The following INSYN2B variants were observed in gnomAD, a reference collection of about 807,000 sequenced individuals.
INSYN2B encodes protein INSYN2B.
A neutral mutation model predicts 41.2 loss-of-function variants in INSYN2B; 16 were observed. That is an observed-to-expected ratio of 0.39 (90% CI 0.26 to 0.59). The LOEUF is 0.59. Among genes scored for constraint, INSYN2B ranks in the 20% least tolerant of loss-of-function variants. The pLI is 0.57. For missense variants in INSYN2B, 608 were observed against 646.4 expected (o/e 0.94, Z 0.64); for synonymous variants, 245 against 244.4 (o/e 1.00, Z -0.02).
intron 1 of INSYN2B, among the ~76,000 whole-genome samples, chr5:169,933,487 CATAA>C (rs1775854466): frequency 6.6e-6 from 1 of 152,340 alleles, no homozygotes; most frequent in African/African-American, 2.4e-5. Flanking sequence ...CAAGAGTCTG[CATAA>C]ATAAATTCAG....
Position 169,883,280 on chromosome 5 carries a change from C to A in INSYN2B, c.619G>T (p.Asp207Tyr), listed in dbSNP as rs200832892. The A allele has an allele frequency of 4.9e-4, 765 of 1,551,602 alleles. 6 individuals are homozygous for A. The African/African-American group carries it at 8.6e-3, about 17-fold the overall frequency. Residue 207 changes from aspartate (D) to tyrosine (Y), a missense_variant, in exon 2 of 4, where the codon GAT becomes TAT. By Grantham distance (160) the Asp-to-Tyr change is radical. Transcript: ENST00000377365. ...TCCCAGGAAGGACTGTGATAAATAT[C>A]ATCTGGAACCTGAATGGCAGCTGTG... ...KATAAIQVPD[D>Y]IYHSPSWEAR...
At chr5:169,876,705 A>G (rs1288619325) in intron 3 of INSYN2B, among the ~76,000 whole-genome samples, 1 of 152,246 alleles carries the variant, frequency 6.6e-6, no homozygotes, top group Non-Finnish European at 1.5e-5. Flanking sequence ...ATTGAGAACC[A>G]GTTACATAGA....
intron 1 of INSYN2B, among the ~76,000 whole-genome samples, chr5:169,910,426 T>C (rs1365348483): frequency 1.3e-5 from 2 of 152,220 alleles, no homozygotes; most frequent in Non-Finnish European, 2.9e-5. Flanking sequence ...ATTTATTGCT[T>C]ACTCTCTTAA....
In INSYN2B at chr5:169,883,000, G is replaced by T; in HGVS notation, c.899C>A (p.Thr300Lys). The T allele has an allele frequency of 1.9e-6, 3 of 1,551,644 alleles. No homozygotes were observed. The highest frequency in any genetic ancestry group is 2.6e-6 in the Non-Finnish European group (3 of 1,146,904). Residue 300 changes from threonine (T) to lysine (K), a missense_variant, in exon 2 of 4, where the codon ACG (threonine) becomes AAG (lysine). Coordinates refer to ENST00000377365, the MANE Select transcript of INSYN2B (RefSeq NM_001129891.3). ...AGTCCGTGGAGATGAAGGAACACACGTTTCCTTTGACTGAGATGACAGTGA... is the reference window on the plus strand; with the variant it reads ...AGTCCGTGGAGATGAAGGAACACACTTTTCCTTTGACTGAGATGACAGTGA... ...LGSLSSQSKE[T>K]CVPSSPRTHS...
At chr5:169,951,172 G>A (rs2113725360) in intron 1 of INSYN2B, among the ~76,000 whole-genome samples, 1 of 152,286 alleles carries the variant, frequency 6.6e-6, no homozygotes, top group South Asian at 2.1e-4. Flanking sequence ...TAGAGTCAGG[G>A]CAAGAGAAAA....
At chr5:169,912,193 T>C (rs1176077664) in intron 1 of INSYN2B, among the ~76,000 whole-genome samples, 1 of 152,190 alleles carries the variant, frequency 6.6e-6, no homozygotes, top group Non-Finnish European at 1.5e-5. Flanking sequence ...GTTTTGTCTT[T>C]CAGTTATAGG....
rs1010816474 is a variant in INSYN2B at position 169,884,413 on chromosome 5, A to G, written c.-515T>C. On this transcript the variant is annotated 5_prime_UTR_variant, in exon 2 of 4. An upstream start codon of the reference 5' UTR is lost. Transcript: ENST00000377365. ...GTGAAACTGCAGGAAACTTAAATGC[A>G]TCTTCTTTCCATAGCAGGTAAACAG... The G allele has an allele frequency of 6.6e-6, 1 of 152,498 alleles. No individual in the cohort carries two copies. The highest frequency in any genetic ancestry group is 2.4e-5 in the African/African-American group (1 of 41,474). The allele number at this position is 152,498 out of a possible 1,614,324, so 9.4% of individuals were successfully genotyped here. A position where few individuals can be genotyped will look rare whatever the true frequency, so the allele number is the denominator to read the frequency against.
At chr5:169,867,528 A>G (rs1353607253) in intron 3 of INSYN2B, among the ~76,000 whole-genome samples, 1 of 151,676 alleles carries the variant, frequency 6.6e-6, no homozygotes, top group Non-Finnish European at 1.5e-5. Flanking sequence ...TCTATCATCT[A>G]TCATCTATCA....
At chr5:169,946,360 T>C (rs1687687403) in intron 1 of INSYN2B, among the ~76,000 whole-genome samples, 1 of 152,130 alleles carries the variant, frequency 6.6e-6, no homozygotes, top group Admixed American at 6.5e-5. Flanking sequence ...GGGGGACGAG[T>C]CACAGGAAGT....
chr5:169,919,473 A>G (rs1775056466), intron 1 of INSYN2B, among the ~76,000 whole-genome samples: 1 of 152,228 alleles, frequency 6.6e-6, no homozygotes, highest in Admixed American at 6.5e-5. Flanking sequence ...AATTGACCCC[A>G]GGCTGGCAGC....
chr5:169,871,241 T>G, intron 3 of INSYN2B, among the ~76,000 whole-genome samples: 1 of 152,210 alleles, frequency 6.6e-6, no homozygotes, highest in East Asian at 1.9e-4. Context: ...ACCTAGTCCT[T>G]TGATTTTTCT....
At chr5:169,897,583 T>A (rs1773687036) in intron 1 of INSYN2B, among the ~76,000 whole-genome samples, 1 of 152,206 alleles carries the variant, frequency 6.6e-6, no homozygotes. Context: ...GAAGTAGGGT[T>A]GCCCTGTAAT....
rs1771332432 is a variant in INSYN2B, at chr5:169,863,465, AAAAAC to A, written c.*803_*807del. On this transcript the variant is annotated 3_prime_UTR_variant, in exon 4 of 4. Transcript: ENST00000377365. ...ACTATGGAGTCTTAAAGTTCACACC[AAAAAC>A]AGATTCCACCCATTTGCCAGGTGGT... Among the ~76,000 whole-genome samples, 1 of 152,254 alleles carries A rather than the reference AAAAAC, an allele frequency of 6.6e-6. No individual in the cohort carries two copies. Among genetic ancestry groups the A allele is most frequent in the Non-Finnish European group, 1.5e-5 (1 of 68,052 alleles).
chr5:169,938,729 T>C (rs1776100076), intron 1 of INSYN2B, among the ~76,000 whole-genome samples: 1 of 152,188 alleles, frequency 6.6e-6, no homozygotes, highest in Non-Finnish European at 1.5e-5. Context: ...AAAATATTTT[T>C]TCTTCATCAG....
chr5:169,911,209 G>A (rs762212826), intron 1 of INSYN2B, among the ~76,000 whole-genome samples: 5 of 152,146 alleles, frequency 3.3e-5, no homozygotes, highest in Non-Finnish European at 7.3e-5. Context: ...GGTATGTGCT[G>A]TGCTTTGAAA....
At chr5:169,918,179 C>A (rs1444210631) in intron 1 of INSYN2B, among the ~76,000 whole-genome samples, 2 of 152,178 alleles carry the variant, frequency 1.3e-5, no homozygotes, top group Non-Finnish European at 2.9e-5. Context: ...TTTAAAAATA[C>A]AGAAACCACA....
At chr5:169,936,877 C>A (rs1776024670) in intron 1 of INSYN2B, among the ~76,000 whole-genome samples, 1 of 152,150 alleles carries the variant, frequency 6.6e-6, no homozygotes, top group African/African-American at 2.4e-5. Context: ...TAACGACACC[C>A]TTCACTTAAT....
intron 3 of INSYN2B, among the ~76,000 whole-genome samples, chr5:169,866,375 G>C (rs11134594): frequency 0.34 from 51,169 of 152,154 alleles, 9,866 homozygotes; most frequent in Admixed American, 0.43. Flanking sequence ...TGAGATCTTG[G>C]GGAAGTCATT....
chr5:169,941,994 A>G (rs1407363846), intron 1 of INSYN2B, among the ~76,000 whole-genome samples: 2 of 152,268 alleles, frequency 1.3e-5, no homozygotes, highest in South Asian at 4.1e-4. Flanking sequence ...TCAGTTTCAC[A>G]TCTGTTCTGT....
Sources: gnomAD v4.1 joint callset for allele counts (sites outside exome capture counted in the v4.1 genomes callset) on GRCh38, gnomAD v4.1.1 for gene constraint, MANE v1.5 for transcripts, NCBI Gene and HGNC (gene_info 2026-07-23, HGNC 2026-07-21) for gene names.